Variants in TCN2 observed in about 807,000 individuals in gnomAD.
TCN2 encodes transcobalamin 2.
Under a neutral mutation model 48.6 loss-of-function variants are expected in TCN2, and 34 were observed. That is an observed-to-expected ratio of 0.70 (90% CI 0.53 to 0.93). The LOEUF (loss-of-function observed/expected upper bound fraction) is 0.93, where lower values mean the gene tolerates loss of function less well. Among genes scored for constraint, TCN2 ranks in the 40% least tolerant of loss-of-function variants. TCN2 has a pLI of 0.00. For missense variants in TCN2, 652 were observed against 526.1 expected, an observed-to-expected ratio of 1.24 and a Z score of -2.34; for synonymous variants, 283 against 212.5, an observed-to-expected ratio of 1.33 and a Z score of -2.89.
rs983633500 is a variant in TCN2 at position 30,617,354 on chromosome 22, C to T, written c.965C>T (p.Thr322Ile). The T allele has an allele frequency of 6.2e-7, 1 of 1,614,154 alleles. No individual in the cohort carries two copies. The highest frequency in any genetic ancestry group is 1.7e-5 in the Admixed American group (1 of 60,010). ...PRVMLEPAAE[T>I]IPQTQEIISV... ...GTCATGTTGGAACCAGCTGCTGAGA[C>T]CATTCCTCAGACCCAAGAGATCATC... The change falls in exon 7 of 9, where the codon ACC (threonine) becomes ATC (isoleucine). Residue 322 changes from threonine to isoleucine, a missense_variant. Thr to Ile is a moderately conservative substitution (Grantham distance 89, BLOSUM62 -1). Transcript: ENST00000215838.
At chr22:30,623,777 T>TATATGTATACATATATATACACAC (rs2087739554) in intron 8 of TCN2, among the ~76,000 whole-genome samples, 1 of 13,114 alleles carries the variant, frequency 7.6e-5, no homozygotes, top group Non-Finnish European at 1.2e-4. Context: ...TATACACACA[T>TATATGTATACATATATATACACAC]ATATATGTAT....
intron 8 of TCN2, among the ~76,000 whole-genome samples, chr22:30,624,177 C>A (rs1184166545): frequency 2.6e-5 from 4 of 150,970 alleles, no homozygotes; most frequent in Non-Finnish European, 5.9e-5. Context: ...TGAGCTCAAG[C>A]AATTCTCCTG....
At chr22:30,613,749 A>G (rs1160703610) in intron 3 of TCN2, among the ~76,000 whole-genome samples, 1 of 152,012 alleles carries the variant, frequency 6.6e-6, no homozygotes, top group Non-Finnish European at 1.5e-5. Flanking sequence ...TATAAACCTG[A>G]TCTTGCTGGC....
chr22:30,611,132 T>A (rs1395708020), intron 2 of TCN2, 69 bp downstream of exon 2: 1 of 1,605,960 alleles, frequency 6.2e-7, no homozygotes, highest in Admixed American at 1.7e-5. Context: ...GGGTACTAGT[T>A]TGGGCCTGTC....
chr22:30,616,327 C>A (rs1470292981), intron 6 of TCN2, among the ~76,000 whole-genome samples: 2 of 151,422 alleles, frequency 1.3e-5, no homozygotes, highest in Non-Finnish European at 2.9e-5. Context: ...ATTAAAAATA[C>A]AAAAAAGTAG....
At chr22:30,617,271 C>A (rs780818910) in intron 6 of TCN2, 59 bp from the exon 7 acceptor site, 2 of 1,611,430 alleles carry the variant, frequency 1.2e-6, no homozygotes, top group Non-Finnish European at 1.7e-6. Flanking sequence ...GACAAGAAGA[C>A]AAATAATCCA....
intron 2 of TCN2, among the ~76,000 whole-genome samples, chr22:30,611,742 A>C (rs2087544732): frequency 6.6e-6 from 1 of 152,212 alleles, no homozygotes; most frequent in African/African-American, 2.4e-5. Flanking sequence ...TCCTGACCTC[A>C]GGTGATCCGC....
chr22:30,618,655 A>AT (rs2087651076), intron 7 of TCN2, among the ~76,000 whole-genome samples: 1 of 151,514 alleles, frequency 6.6e-6, no homozygotes, highest in Non-Finnish European at 1.5e-5. Context: ...CCGGCCATGT[A>AT]TTTATTTAGG....
At chr22:30,625,404 A>T (rs1334407188) in intron 8 of TCN2, among the ~76,000 whole-genome samples, 2 of 19,660 alleles carry the variant, frequency 1.0e-4, no homozygotes, top group South Asian at 2.8e-3. Flanking sequence ...TTTTAATTTA[A>T]AAAAAAAAAA....
chr22:30,622,766 C>T (rs1196258179), intron 7 of TCN2, among the ~76,000 whole-genome samples: 1 of 152,172 alleles, frequency 6.6e-6, no homozygotes, highest in Non-Finnish European at 1.5e-5. Flanking sequence ...AGGATGAAGC[C>T]TGAGCAGGCA....
intron 7 of TCN2, among the ~76,000 whole-genome samples, chr22:30,618,752 A>G (rs373663953): frequency 6.6e-5 from 10 of 152,236 alleles, no homozygotes; most frequent in Middle Eastern, 3.4e-3. Flanking sequence ...AACAGGGACT[A>G]CAGGCATGCA....
rs138722638 is a variant in TCN2, at chr22:30,613,191, G to A, written c.427+149G>A. Reference sequence around the variant, plus strand: ...CATCTCACTGCCTACGTAGAGGCTCGAACCTGTCCCCATAGCCATCCTTGA... The same window carrying A: ...CATCTCACTGCCTACGTAGAGGCTCAAACCTGTCCCCATAGCCATCCTTGA... On this transcript the variant is annotated intron_variant, in intron 3 of 8. Transcript: ENST00000215838. The A allele has an allele frequency of 0.014, 15,004 of 1,105,272 alleles. 175 individuals are homozygous for A. The highest frequency in any genetic ancestry group is 0.014 in the Non-Finnish European group (10,738 of 764,494). The allele number at this position is 1,105,272 out of a possible 1,614,324, so 68.5% of individuals were successfully genotyped here. A position where few individuals can be genotyped will look rare whatever the true frequency, so the allele number is the denominator to read the frequency against.
chr22:30,615,560 G>A (rs2087600506), intron 5 of TCN2, 41 bp from the exon 6 acceptor site: 3 of 1,613,870 alleles, frequency 1.9e-6, no homozygotes, highest in Non-Finnish European at 2.5e-6. Flanking sequence ...GCCCCTCCCT[G>A]CCGGCTGACT....
chr22:30,623,787 T>TATATATACAC (rs1569046401), intron 8 of TCN2, among the ~76,000 whole-genome samples: 1 of 2,064 alleles, frequency 4.8e-4, no homozygotes, highest in African/African-American at 2.8e-3. Context: ...TATATATGTA[T>TATATATACAC]ACATATATAC....
At chr22:30,621,470 G>GT (rs1569044845) in intron 7 of TCN2, among the ~76,000 whole-genome samples, 1 of 151,598 alleles carries the variant, frequency 6.6e-6, no homozygotes, top group Non-Finnish European at 1.5e-5. Flanking sequence ...CTCATTTGTT[G>GT]TTTTTTGTTT....
At chr22:30,622,631 G>A (rs1436568908) in intron 7 of TCN2, among the ~76,000 whole-genome samples, 3 of 152,164 alleles carry the variant, frequency 2.0e-5, no homozygotes, top group African/African-American at 7.2e-5. Flanking sequence ...CACATTCTAG[G>A]TGACACCAGC....
intron 6 of TCN2, among the ~76,000 whole-genome samples, chr22:30,617,042 G>A (rs1197592609): frequency 6.6e-6 from 1 of 152,108 alleles, no homozygotes; most frequent in African/African-American, 2.4e-5. Flanking sequence ...GTGCCAGAGA[G>A]GTGGGAGGAA....
chr22:30,615,228 G>T, intron 4 of TCN2, 73 bp from the exon 5 acceptor site: 1 of 1,544,990 alleles, frequency 6.5e-7, no homozygotes, highest in South Asian at 1.1e-5. Flanking sequence ...ACAAGGGCCT[G>T]ACCCTCAAGC....
chr22:30,613,946 T>TC (rs2087575169), intron 3 of TCN2, among the ~76,000 whole-genome samples: 1 of 152,100 alleles, frequency 6.6e-6, no homozygotes, highest in Non-Finnish European at 1.5e-5. Flanking sequence ...TGGACTGGCT[T>TC]CCCTGCGTGC....
Sources: gnomAD v4.1 joint callset for allele counts (sites outside exome capture counted in the v4.1 genomes callset) on GRCh38, gnomAD v4.1.1 for gene constraint, MANE v1.5 for transcripts, NCBI Gene and HGNC (gene_info 2026-07-23, HGNC 2026-07-21) for gene names.